Variants in ZNF761 observed in about 807,000 individuals in gnomAD.
ZNF761 encodes zinc finger protein 761.
A neutral mutation model predicts 59.9 loss-of-function variants in ZNF761; 43 were observed. That is an observed-to-expected ratio of 0.72 (90% CI 0.56 to 0.92). ZNF761 has a LOEUF of 0.92. Among genes scored for constraint, ZNF761 ranks in the 40% least tolerant of loss-of-function variants. The probability of loss-of-function intolerance (pLI) is 0.00; values close to 1 mark genes in which losing one functional copy is unlikely to be tolerated. For missense variants in ZNF761, 850 were observed against 906.1 expected, an observed-to-expected ratio of 0.94 and a Z score of 0.79; for synonymous variants, 294 against 304.8, an observed-to-expected ratio of 0.96 and a Z score of 0.37.
intron 1 of ZNF761, among the ~76,000 whole-genome samples, chr19:53,438,326 G>A (rs1036226127): frequency 1.3e-5 from 2 of 152,232 alleles, no homozygotes; most frequent in African/African-American, 4.8e-5. Flanking sequence ...TAACAAGATG[G>A]TGGCAGCTAA....
intron 1 of ZNF761, among the ~76,000 whole-genome samples, chr19:53,440,382 TG>T (rs1415842468): frequency 3.3e-5 from 5 of 152,156 alleles, no homozygotes; most frequent in Non-Finnish European, 4.4e-5. Flanking sequence ...GTGAGTTCAC[TG>T]GGTATGATTA....
At chr19:53,443,279 C>T (rs2086119540) in intron 1 of ZNF761, 3 of 154,556 alleles carry the variant, frequency 1.9e-5, no homozygotes. Flanking sequence ...GCATGTTTCC[C>T]TCAAGGCCCT....
chr19:53,455,102 T>G lies in ZNF761; in HGVS notation c.595T>G (p.Ser199Ala). 2 of 1,614,178 alleles carry G rather than the reference T, an allele frequency of 1.2e-6. No individual in the cohort carries two copies. The highest frequency in any genetic ancestry group is 1.7e-6 in the Non-Finnish European group (2 of 1,180,022). ...TAACCATGGGAATAATTTCTGGAAT[T>G]CTTCATTACTCACACAAAAACAGGA... The part of the protein sequence containing the change: ...SNNHGNNFWN[S>A]SLLTQKQEVH... Residue 199 changes from serine (S) to alanine (A), a missense_variant, in exon 5 of 5, where the codon TCT becomes GCT. Transcript: ENST00000684525.
chr19:53,433,124 T>G (rs1215679159), intron 1 of ZNF761, among the ~76,000 whole-genome samples: 1 of 151,818 alleles, frequency 6.6e-6, no homozygotes. Context: ...AACTGAGGAC[T>G]AGACAGACTG....
intron 1 of ZNF761, among the ~76,000 whole-genome samples, chr19:53,438,011 A>C (rs2086060589): frequency 8.3e-6 from 1 of 120,580 alleles, no homozygotes; most frequent in East Asian, 2.2e-4. Context: ...CCACCTGTGA[A>C]GTACTTGACA....
At position 53,456,780 on chromosome 19, in the gene ZNF761, C is replaced by G; in HGVS notation, c.*32C>G. 1 of 1,604,170 alleles carries G rather than the reference C, an allele frequency of 6.2e-7. No individual in the cohort carries two copies. Among genetic ancestry groups the G allele is most frequent in the Non-Finnish European group, 8.5e-7 (1 of 1,172,176 alleles). Reference sequence around the variant, plus strand: ...TGGTGAGGTTTTTAATCAACAAGCACACCTTGCAGGTCATCATAGAATTCA... The same window carrying G: ...TGGTGAGGTTTTTAATCAACAAGCAGACCTTGCAGGTCATCATAGAATTCA... On this transcript the variant is annotated 3_prime_UTR_variant, in exon 5 of 5. Coordinates refer to ENST00000684525, the MANE Select transcript of ZNF761 (RefSeq NM_001289951.2).
intron 3 of ZNF761, among the ~76,000 whole-genome samples, chr19:53,448,227 T>C (rs1276540880): frequency 6.6e-6 from 1 of 152,224 alleles, no homozygotes; most frequent in Non-Finnish European, 1.5e-5. Flanking sequence ...GGTCTCGAAC[T>C]GCTGATCTCA....
intron 1 of ZNF761, among the ~76,000 whole-genome samples, chr19:53,439,813 T>C (rs1385668343): frequency 6.6e-6 from 1 of 152,138 alleles, no homozygotes; most frequent in Non-Finnish European, 1.5e-5. Context: ...ATAGAGCCGT[T>C]CTAAATGCTT....
rs752466900 is a variant in ZNF761 at position 53,456,505 on chromosome 19, G to A, written c.1998G>A (p.Glu666=). The A allele has an allele frequency of 3.7e-6, 6 of 1,613,044 alleles. No individual in the cohort carries two copies. In the Admixed American group the frequency reaches 8.3e-5, roughly 22 times the overall value. The change falls in exon 5 of 5, where the codon GAG becomes GAA. Residue 666 remains glutamate, a synonymous_variant. Coordinates refer to ENST00000684525, the MANE Select transcript of ZNF761 (RefSeq NM_001289951.2). ...GAGAGAAACCTTACAAGTGTAATGAGTGTGGCAAGACCTTTAGTCGGAAGT... is the reference window on the plus strand; with the variant it reads ...GAGAGAAACCTTACAAGTGTAATGAATGTGGCAAGACCTTTAGTCGGAAGT... ...HTGEKPYKCN[E]CGKTFSRKSY...
rs1465601886 is a variant in ZNF761, at chr19:53,454,681, C to G, written c.174C>G (p.Phe58Leu). 2 of 1,604,758 alleles carry G rather than the reference C, an allele frequency of 1.2e-6. No homozygotes were observed. Among genetic ancestry groups the G allele is most frequent in the African/African-American group, 1.3e-5 (1 of 74,594 alleles). Residue 58 changes from phenylalanine (F) to leucine (L), a missense_variant, in exon 5 of 5, where the codon TTC becomes TTG. Physicochemically the swap from Phe to Leu is conservative, Grantham distance 22 (BLOSUM62 0). Transcript: ENST00000684525. ...CTTCCAAATGCACGATGAAGGAGTTCTTGTCAACAGCGCAAGGCAACAGAG... is the reference window on the plus strand; with the variant it reads ...CTTCCAAATGCACGATGAAGGAGTTGTTGTCAACAGCGCAAGGCAACAGAG... ...DISSKCTMKEFLSTAQGNREV... is the reference protein window; with the variant it reads ...DISSKCTMKELLSTAQGNREV...
chr19:53,454,849 A>T lies in ZNF761; in HGVS notation c.342A>T (p.Thr114=). Residue 114 remains threonine, a synonymous_variant, in exon 5 of 5, where the codon ACA becomes ACT. Coordinates refer to ENST00000684525, the MANE Select transcript of ZNF761 (RefSeq NM_001289951.2). The part of the protein sequence containing the change: ...DERNGHEAPM[T]KIKKLTGITE... ...GAAATGGCCATGAAGCACCCATGAC[A>T]AAAATCAAAAAGTTGACAGGTATTA... 7 of 1,614,216 alleles carry T rather than the reference A, an allele frequency of 4.3e-6. No homozygotes were observed. Among genetic ancestry groups the T allele is most frequent in the Non-Finnish European group, 5.9e-6 (7 of 1,180,034 alleles).
Position 53,457,957 on chromosome 19 carries a change from A to C in ZNF761, c.*1209A>C, listed in dbSNP as rs1401219093. On this transcript the variant is annotated 3_prime_UTR_variant, in exon 5 of 5. Transcript: ENST00000684525. ...AAGCTATCAATATGGGTTGTAGCTC[A>C]ATGTTTTTAATCATTTTGATCAATG... is the stretch of plus-strand genomic sequence containing the variant. The C allele has an allele frequency of 1.3e-5, 2 of 152,484 alleles. No individual in the cohort carries two copies. The highest frequency in any genetic ancestry group is 2.4e-5 in the African/African-American group (1 of 41,464). 9.4% of individuals were successfully genotyped at this position (152,484 alleles called of 1,614,324 possible).
Position 53,433,463 on chromosome 19 carries a change from A to G in ZNF761, c.-185+1435A>G, listed in dbSNP as rs552893727. Among the ~76,000 whole-genome samples, 113 of 139,336 alleles carry G rather than the reference A, an allele frequency of 8.1e-4. 1 individual carries two copies. Among genetic ancestry groups the G allele is most frequent in the Non-Finnish European group, 1.4e-3 (92 of 65,210 alleles). 91.4% of individuals were successfully genotyped at this position (139,336 alleles called of 152,430 possible). ...CATTTCTTTGGCTTCGACTTCGCCA[A>G]GTCGAGCTTGCTAGGCAGAGGAAAA... On this transcript the variant is annotated intron_variant, in intron 1 of 4. Transcript: ENST00000684525.
chr19:53,435,276 A>G (rs914764606), intron 1 of ZNF761, among the ~76,000 whole-genome samples: 1 of 139,758 alleles, frequency 7.2e-6, no homozygotes, highest in Non-Finnish European at 1.5e-5. Flanking sequence ...TCGTCTGGCT[A>G]TAAATACAAG....
chr19:53,457,061 A>G lies in ZNF761; in HGVS notation c.*313A>G. The stretch of plus-strand genomic sequence containing the variant: ...CACAACATGCTAGAATTCACACTGG[A>G]GAGAAACCTTACCAGTGTAATGAGT... On this transcript the variant is annotated 3_prime_UTR_variant, in exon 5 of 5. Transcript: ENST00000684525. The G allele has an allele frequency of 1.6e-6, 1 of 630,418 alleles. No individual in the cohort carries two copies. The highest frequency in any genetic ancestry group is 2.8e-6 in the Non-Finnish European group (1 of 359,490). The allele number at this position is 630,418 out of a possible 1,614,324, so 39.1% of individuals were successfully genotyped here.
At chr19:53,449,417 AT>A in intron 3 of ZNF761, 94 bp from the exon 4 acceptor site, 4 of 1,603,338 alleles carry the variant, frequency 2.5e-6, no homozygotes. Context: ...CATTCACTGC[AT>A]TTAAATCCAT....
At position 53,454,856 on chromosome 19, in the gene ZNF761, A is replaced by G. The variant is rs1451902141; in HGVS notation, c.349A>G (p.Lys117Glu). The change falls in exon 5 of 5, where the codon AAA becomes GAA. Residue 117 changes from lysine (K) to glutamate (E), a missense_variant. Physicochemically the swap from Lys to Glu is moderately conservative, Grantham distance 56. Transcript: ENST00000684525. ...NGHEAPMTKI[K>E]KLTGITERYD... is the part of the protein sequence containing the mutation. ...CCATGAAGCACCCATGACAAAAATC[A>G]AAAAGTTGACAGGTATTACAGAACG... 1 of 1,614,210 alleles carries G rather than the reference A, an allele frequency of 6.2e-7. No individual in the cohort carries two copies. The highest frequency in any genetic ancestry group is 1.7e-5 in the Admixed American group (1 of 60,030).
intron 1 of ZNF761, among the ~76,000 whole-genome samples, chr19:53,438,747 C>T (rs570691306): frequency 1.3e-5 from 2 of 152,264 alleles, no homozygotes; most frequent in South Asian, 2.1e-4. Flanking sequence ...CAGTGTTCCT[C>T]GTGGCTCAAT....
intron 1 of ZNF761, among the ~76,000 whole-genome samples, chr19:53,434,238 G>A (rs2086010873): frequency 6.6e-6 from 1 of 152,158 alleles, no homozygotes; most frequent in African/African-American, 2.4e-5. Flanking sequence ...GCAAATCTGT[G>A]TCTTTCTAAT....
Sources: gnomAD v4.1 joint callset for allele counts (sites outside exome capture counted in the v4.1 genomes callset) on GRCh38, gnomAD v4.1.1 for gene constraint, MANE v1.5 for transcripts, NCBI Gene and HGNC (gene_info 2026-07-23, HGNC 2026-07-21) for gene names.